Variants in PARN observed in about 807,000 individuals in gnomAD.
The protein encoded by PARN is poly(A)-specific ribonuclease, also known as poly(A)-specific ribonuclease PARN.
In PARN, 71 loss-of-function variants were observed where a neutral mutation model predicts 102.8. That is an observed-to-expected ratio of 0.69 (90% CI 0.57 to 0.84). PARN has a LOEUF of 0.84. Among genes scored for constraint, PARN ranks in the 40% least tolerant of loss-of-function variants. The probability of loss-of-function intolerance (pLI) is 0.00; values close to 1 mark genes in which losing one functional copy is unlikely to be tolerated. For missense variants in PARN, 782 were observed against 760.9 expected, an observed-to-expected ratio of 1.03 and a Z score of -0.33; for synonymous variants, 261 against 252.9, an observed-to-expected ratio of 1.03 and a Z score of -0.30.
intron 18 of PARN, among the ~76,000 whole-genome samples, chr16:14,562,507 A>C (rs981447942): frequency 8.6e-5 from 13 of 151,932 alleles, no homozygotes; most frequent in African/African-American, 3.1e-4. Flanking sequence ...GACTACCTCA[A>C]AATCCAGAAG....
chr16:14,475,138 T>C (rs1180612621), intron 22 of PARN, among the ~76,000 whole-genome samples: 1 of 152,216 alleles, frequency 6.6e-6, no homozygotes, highest in Non-Finnish European at 1.5e-5. Flanking sequence ...AATGGGATTT[T>C]CCCATCAGTT....
At position 14,552,085 on chromosome 16, in the gene PARN, C is replaced by G. The variant is rs766730789; in HGVS notation, c.1416G>C (p.Gln472His). The G allele has an allele frequency of 1.1e-5, 17 of 1,606,148 alleles. No individual in the cohort carries two copies. Among genetic ancestry groups the G allele is most frequent in the South Asian group, 6.6e-5 (6 of 90,332 alleles). Residue 472 changes from glutamine to histidine, a missense_variant, in exon 21 of 24, where the codon CAG (glutamine) becomes CAC (histidine). Physicochemically the swap from Gln to His is conservative, Grantham distance 24. Transcript: ENST00000437198. Reference protein sequence around the residue: ...YQLFSAFGNIQISWIDDTSAF... With the variant: ...YQLFSAFGNIHISWIDDTSAF... ...CTGATGTGTCATCAATCCAGGATAT[C>G]TGAATGTTACCTGCAATCGCAAATT... is the stretch of plus-strand genomic sequence containing the variant.
At chr16:14,450,952 CAAGGA>C (rs965193650) in intron 22 of PARN, among the ~76,000 whole-genome samples, 2 of 151,570 alleles carry the variant, frequency 1.3e-5, no homozygotes, top group African/African-American at 2.4e-5. Flanking sequence ...ATACGTAAGA[CAAGGA>C]AAGGAAAGGA....
chr16:14,479,519 A>ATTTC (rs1963263630), intron 22 of PARN, among the ~76,000 whole-genome samples: 1 of 152,184 alleles, frequency 6.6e-6, no homozygotes, highest in Admixed American at 6.5e-5. Flanking sequence ...AACTGGCAAG[A>ATTTC]TTATTCTAAA....
chr16:14,625,861 G>A (rs1269613079), intron 5 of PARN, among the ~76,000 whole-genome samples: 1 of 152,194 alleles, frequency 6.6e-6, no homozygotes, highest in Non-Finnish European at 1.5e-5. Flanking sequence ...AGAGAAGATA[G>A]GATGCAAGAT....
chr16:14,533,794 C>A (rs1429099960), intron 21 of PARN, among the ~76,000 whole-genome samples: 1 of 152,224 alleles, frequency 6.6e-6, no homozygotes. Context: ...CCCTTTATCA[C>A]AACACTCAGT....
At chr16:14,577,945 G>A (rs1351852637) in intron 18 of PARN, among the ~76,000 whole-genome samples, 1 of 152,070 alleles carries the variant, frequency 6.6e-6, no homozygotes, top group Non-Finnish European at 1.5e-5. Context: ...TGGGATTACA[G>A]ACATAGGCCA....
intron 11 of PARN, 72 bp from the exon 12 acceptor site, chr16:14,600,032 CAA>C (rs898608213): frequency 1.1e-5 from 9 of 831,812 alleles, no homozygotes; most frequent in Admixed American, 8.3e-5. Context: ...AAAACTACCC[CAA>C]AAAAAAGACA....
At chr16:14,630,077 G>A (rs748165646) in intron 1 of PARN, 30 bp downstream of exon 1, 4 of 1,548,474 alleles carry the variant, frequency 2.6e-6, no homozygotes, top group Non-Finnish European at 8.8e-7. Flanking sequence ...CGGGTGTGGG[G>A]AGGCGGGGAG....
Position 14,453,588 on chromosome 16 carries a change from T to G in PARN, c.1671-6507A>C, listed in dbSNP as rs1368189314. 2.0e-5 allele frequency among the ~76,000 whole-genome samples: 3 copies of G among 152,256 alleles called. No individual in the cohort carries two copies. In the East Asian group the frequency reaches 5.8e-4, roughly 29 times the overall value. ...CCTCTCCCTAAAAAGATTCCTCGTG[T>G]CACTCTGCACTCAATCCACATTGTC... is the stretch of plus-strand genomic sequence containing the variant. On this transcript the variant is annotated intron_variant, in intron 22 of 23. Transcript: ENST00000437198.
intron 1 of PARN, 47 bp from the exon 2 acceptor site, chr16:14,629,721 T>C (rs1972912662): frequency 7.1e-7 from 1 of 1,399,850 alleles, no homozygotes; most frequent in Non-Finnish European, 1.0e-6. Context: ...CCTGAATTCC[T>C]GCTAAGGGGA....
At chr16:14,539,340 C>T (rs1349002402) in intron 21 of PARN, among the ~76,000 whole-genome samples, 1 of 152,244 alleles carries the variant, frequency 6.6e-6, no homozygotes, top group South Asian at 2.1e-4. Context: ...CAGGACACAA[C>T]AGCCGCTTTA....
intron 21 of PARN, among the ~76,000 whole-genome samples, chr16:14,540,165 T>A (rs1238273978): frequency 6.6e-6 from 1 of 152,132 alleles, no homozygotes. Flanking sequence ...TATATCCTCC[T>A]CCAAAATAAG....
intron 21 of PARN, among the ~76,000 whole-genome samples, chr16:14,488,096 A>G (rs1233045414): frequency 6.6e-6 from 1 of 152,234 alleles, no homozygotes; most frequent in Non-Finnish European, 1.5e-5. Context: ...GAATTCTAAG[A>G]GCCTAGAAAA....
rs752630850 is a variant in PARN, at chr16:14,584,793, TAAAAAGAATTTTTAACA to T, written c.963-19_963-3del. On this transcript the variant is annotated splice_region_variant and splice_polypyrimidine_tract_variant and intron_variant, in intron 14 of 23. Coordinates refer to ENST00000437198, the MANE Select transcript of PARN (RefSeq NM_002582.4). ...GCCATCAATTTAGTATCCAAGAGTC[TAAAAAGAATTTTTAACA>T]AGGTAAACAAAATGTATATCAATGT... 2.5e-5 allele frequency: 39 copies of T among 1,536,492 alleles called. No homozygotes were observed. The highest frequency in any genetic ancestry group is 3.3e-5 in the Non-Finnish European group (38 of 1,140,746).
chr16:14,629,539 G>A, intron 2 of PARN, 58 bp downstream of exon 2: 1 of 1,256,838 alleles, frequency 8.0e-7, no homozygotes, highest in Non-Finnish European at 1.2e-6. Context: ...CTGGGGGATT[G>A]AAGGAGCCTT....
At chr16:14,600,058 T>C in intron 11 of PARN, 98 bp from the exon 12 acceptor site, 1 of 638,592 alleles carries the variant, frequency 1.6e-6, no homozygotes, top group Non-Finnish European at 2.6e-6. Flanking sequence ...AAATTTTGTA[T>C]CAAGTTAGAT....
chr16:14,562,235 G>C (rs1332439596), intron 18 of PARN, among the ~76,000 whole-genome samples: 1 of 151,830 alleles, frequency 6.6e-6, no homozygotes. Context: ...CCAGCACCTG[G>C]GGAGGCCAAG....
chr16:14,593,491 T>TAAAAAAAAAAA (rs1567426174), intron 12 of PARN, 113 bp from the exon 13 acceptor site: 3 of 27,606 alleles, frequency 1.1e-4, no homozygotes, highest in Admixed American at 1.2e-3. Context: ...CTTTCCAGAC[T>TAAAAAAAAAAA]TAAAAAAAAA....
Sources: allele counts gnomAD v4.1 joint callset (sites outside exome capture counted in the v4.1 genomes callset), GRCh38; gene constraint gnomAD v4.1.1; transcripts MANE v1.5; gene names NCBI Gene and HGNC (gene_info 2026-07-23, HGNC 2026-07-21).